Variants in HMHB1 observed in about 807,000 individuals in gnomAD.
The protein encoded by HMHB1 is histocompatibility minor HB-1.
A neutral mutation model predicts 2.4 loss-of-function variants in HMHB1; 4 were observed. The observed-to-expected ratio is 1.65, with a 90% CI of 0.81 to 3.77. The LOEUF is 3.77. Among genes scored for constraint, HMHB1 ranks in the 30% most tolerant of loss-of-function variants. The pLI is 0.01. For synonymous variants in HMHB1, 22 were observed against 17.6 expected, an observed-to-expected ratio of 1.25 and a Z score of -0.63; for missense variants, 57 against 44.2, an observed-to-expected ratio of 1.29 and a Z score of -0.82.
chr5:143,813,333 C>T (rs908293924), intron 1 of HMHB1, among the ~76,000 whole-genome samples: 3 of 152,156 alleles, frequency 2.0e-5, no homozygotes, highest in African/African-American at 7.2e-5. Context: ...TATTTCTTTC[C>T]AGGCAAAATA....
intron 1 of HMHB1, among the ~76,000 whole-genome samples, chr5:143,818,752 G>T (rs550048345): frequency 3.9e-5 from 6 of 152,154 alleles, no homozygotes; most frequent in Middle Eastern, 6.8e-3. Context: ...GACACATAGC[G>T]AGTACTTGCT....
chr5:143,820,345 A>AAAAAAAAAAAAAAAAAAAAAT, intron 1 of HMHB1, 135 bp from the exon 2 acceptor site: 1 of 292,616 alleles, frequency 3.4e-6, no homozygotes, highest in Non-Finnish European at 6.3e-6. Flanking sequence ...AAAAAAAAAA[A>AAAAAAAAAAAAAAAAAAAAAT]AAAAACAGAA....
At chr5:143,814,250 T>C (rs1759724128) in intron 1 of HMHB1, among the ~76,000 whole-genome samples, 2 of 152,372 alleles carry the variant, frequency 1.3e-5, no homozygotes, top group South Asian at 4.1e-4. Flanking sequence ...TACTCATATT[T>C]GTTACTTATA....
At chr5:143,814,978 T>C (rs1406636652) in intron 1 of HMHB1, among the ~76,000 whole-genome samples, 2 of 152,234 alleles carry the variant, frequency 1.3e-5, no homozygotes, top group African/African-American at 4.8e-5. Flanking sequence ...TTTCTGTTGC[T>C]CAGCTTTGCA....
chr5:143,820,587 A>C lies in HMHB1; in HGVS notation c.*19A>C. On this transcript the variant is annotated 3_prime_UTR_variant, in exon 2 of 2. Transcript: ENST00000289448. ...GCTTTGACACTGCTGTTGAGGTTTG[A>C]CTCGAAGCCCAGAGTTTTGGTGTGG... 6.5e-7 allele frequency: 1 copy of C among 1,544,906 alleles called. No individual in the cohort carries two copies. The highest frequency in any genetic ancestry group is 8.9e-7 in the Non-Finnish European group (1 of 1,118,192).
At chr5:143,814,532 A>G (rs1263809982) in intron 1 of HMHB1, among the ~76,000 whole-genome samples, 1 of 152,204 alleles carries the variant, frequency 6.6e-6, no homozygotes, top group Non-Finnish European at 1.5e-5. Flanking sequence ...CTTAGCTGTC[A>G]GAGAGAGGAC....
At chr5:143,818,420 T>G (rs1759772590) in intron 1 of HMHB1, among the ~76,000 whole-genome samples, 1 of 152,230 alleles carries the variant, frequency 6.6e-6, no homozygotes, top group African/African-American at 2.4e-5. Context: ...AAATAATTTT[T>G]TAAAGTGATA....
At chr5:143,812,692 G>A (rs931083187) in intron 1 of HMHB1, among the ~76,000 whole-genome samples, 1 of 152,142 alleles carries the variant, frequency 6.6e-6, no homozygotes, top group African/African-American at 2.4e-5. Context: ...GGGATGCTCA[G>A]GCTTCCCAAG....
chr5:143,813,437 G>A (rs764587605), intron 1 of HMHB1, among the ~76,000 whole-genome samples: 1 of 152,172 alleles, frequency 6.6e-6, no homozygotes, highest in Non-Finnish European at 1.5e-5. Flanking sequence ...TTGAGGGAAG[G>A]AACTGTGTTT....
chr5:143,820,050 G>A (rs1759790979), intron 1 of HMHB1, among the ~76,000 whole-genome samples: 1 of 152,196 alleles, frequency 6.6e-6, no homozygotes, highest in African/African-American at 2.4e-5. Flanking sequence ...CTGCTCAGCA[G>A]TTTGGTTTTC....
intron 1 of HMHB1, among the ~76,000 whole-genome samples, chr5:143,820,014 T>C (rs1759790707): frequency 6.6e-6 from 1 of 152,132 alleles, no homozygotes; most frequent in Admixed American, 6.5e-5. Flanking sequence ...ACAGTTACTC[T>C]CAGAGTTCAG....
intron 1 of HMHB1, among the ~76,000 whole-genome samples, chr5:143,818,331 T>C (rs946362118): frequency 6.6e-6 from 1 of 152,162 alleles, no homozygotes; most frequent in African/African-American, 2.4e-5. Flanking sequence ...TGGGTAAAAT[T>C]TGAAAGGACA....
chr5:143,817,852 A>G (rs1290203667), intron 1 of HMHB1, among the ~76,000 whole-genome samples: 1 of 152,186 alleles, frequency 6.6e-6, no homozygotes, highest in Non-Finnish European at 1.5e-5. Flanking sequence ...TCAAATACCT[A>G]GAAATAAATT....
Position 143,812,314 on chromosome 5 carries a change from C to T in HMHB1, c.37+10C>T, listed in dbSNP as rs1352027052. ...AGAGAAGAAAAAAGAGGTGAGGGAG[C>T]GAGGAGGAGGGAGAACAGAGAGAGA... On this transcript the variant is annotated intron_variant, in intron 1 of 1. Transcript: ENST00000289448. 7.1e-6 allele frequency: 11 copies of T among 1,549,638 alleles called. No homozygotes were observed. Among genetic ancestry groups the T allele is most frequent in the Non-Finnish European group, 8.7e-6 (10 of 1,145,944 alleles).
intron 1 of HMHB1, among the ~76,000 whole-genome samples, chr5:143,815,750 A>T (rs1296272582): frequency 2.7e-5 from 4 of 147,724 alleles, no homozygotes; most frequent in Admixed American, 6.8e-5. Flanking sequence ...CCCAGGCCGG[A>T]CTGCGGACTG....
At chr5:143,812,583 G>C (rs899850577) in intron 1 of HMHB1, among the ~76,000 whole-genome samples, 1 of 152,164 alleles carries the variant, frequency 6.6e-6, no homozygotes, top group Non-Finnish European at 1.5e-5. Context: ...TGCACCACCT[G>C]AGCCACAAGG....
intron 1 of HMHB1, among the ~76,000 whole-genome samples, chr5:143,815,532 T>A (rs2126793041): frequency 6.6e-6 from 1 of 152,006 alleles, no homozygotes; most frequent in Middle Eastern, 3.4e-3. Flanking sequence ...TTTTTCTTTT[T>A]TTTTTTTGAG....
chr5:143,812,238 C>A lies in HMHB1; in HGVS notation c.-30C>A. On this transcript the variant is annotated 5_prime_UTR_variant, in exon 1 of 2. Coordinates refer to ENST00000289448, the MANE Select transcript of HMHB1 (RefSeq NM_021182.3). ...GCCCTGAGCCTTCTGACCTCACATC[C>A]TCTGCCACACCACAGTGGAGAAACC... is the stretch of plus-strand genomic sequence containing the variant. 1 of 1,551,326 alleles carries A rather than the reference C, an allele frequency of 6.4e-7. No individual in the cohort carries two copies. The highest frequency in any genetic ancestry group is 8.7e-7 in the Non-Finnish European group (1 of 1,146,738).
At chr5:143,818,468 A>G (rs1759772951) in intron 1 of HMHB1, among the ~76,000 whole-genome samples, 1 of 152,218 alleles carries the variant, frequency 6.6e-6, no homozygotes, top group South Asian at 2.1e-4. Flanking sequence ...AAATAGTATT[A>G]TATTTACCCA....
Sources: allele counts gnomAD v4.1 joint callset (sites outside exome capture counted in the v4.1 genomes callset), GRCh38; gene constraint gnomAD v4.1.1; transcripts MANE v1.5; gene names NCBI Gene and HGNC (gene_info 2026-07-23, HGNC 2026-07-21).